Variants in PLXDC2 observed in about 807,000 individuals in gnomAD.
PLXDC2 encodes plexin domain containing 2.
In PLXDC2, 40 loss-of-function variants were observed where a neutral mutation model predicts 68.9. The ratio of observed to expected loss-of-function variants is 0.58; its 90% CI spans 0.45 to 0.76. The LOEUF is 0.76. PLXDC2 is among the 30% of genes least tolerant of loss of function. The probability of loss-of-function intolerance (pLI) is 0.00; values close to 1 mark genes in which losing one functional copy is unlikely to be tolerated. For missense variants in PLXDC2, 644 were observed against 661.9 expected (o/e 0.97, Z 0.30); for synonymous variants, 243 against 234.2 (o/e 1.04, Z -0.34).
At position 20,001,867 on chromosome 10, in the gene PLXDC2, T is replaced by C. The variant is rs761074325; in HGVS notation, c.205T>C (p.Leu69=). The change falls in exon 2 of 14, where the codon TTG becomes CTG. Residue 69 remains leucine, a synonymous_variant. Transcript: ENST00000377252. ...HAYSHRWKRN[L]DFLKAVDTNR... ...GTACAGCCACAGGTGGAAAAGAAAC[T>C]TGGACTTTCTCAAGGCGGTAGACAC... 18 of 1,613,862 alleles carry C rather than the reference T, an allele frequency of 1.1e-5. No homozygotes were observed. In the East Asian group the frequency reaches 3.8e-4, roughly 34 times the overall value.
chr10:20,211,885 G>A (rs952620398), intron 10 of PLXDC2, among the ~76,000 whole-genome samples, 156 bp downstream of exon 10: 1 of 152,062 alleles, frequency 6.6e-6, no homozygotes, highest in Admixed American at 6.6e-5. Flanking sequence ...TTAGGGGTTC[G>A]ATAACAGCTG....
chr10:20,232,734 G>C (rs950718188), intron 12 of PLXDC2, among the ~76,000 whole-genome samples: 1 of 152,194 alleles, frequency 6.6e-6, no homozygotes, highest in African/African-American at 2.4e-5. Flanking sequence ...GGTCGGGGCT[G>C]TTAGGATGAC....
chr10:19,848,567 G>A (rs982672829), intron 1 of PLXDC2, among the ~76,000 whole-genome samples: 2 of 152,186 alleles, frequency 1.3e-5, no homozygotes, highest in Non-Finnish European at 2.9e-5. Flanking sequence ...AAGCATTGGA[G>A]GGAAATGGCT....
intron 1 of PLXDC2, among the ~76,000 whole-genome samples, chr10:19,975,225 C>A (rs975979186): frequency 1.3e-5 from 2 of 151,986 alleles, no homozygotes; most frequent in African/African-American, 4.8e-5. Context: ...GAGGCTGAGG[C>A]GGGCGGATCA....
chr10:19,901,024 C>CAT (rs1193631961), intron 1 of PLXDC2, among the ~76,000 whole-genome samples: 55 of 146,244 alleles, frequency 3.8e-4, no homozygotes, highest in South Asian at 2.2e-3. Context: ...TGTATTCATA[C>CAT]ATATATATAT....
At chr10:20,077,684 AT>A (rs1836475095) in intron 4 of PLXDC2, among the ~76,000 whole-genome samples, 1 of 152,226 alleles carries the variant, frequency 6.6e-6, no homozygotes, top group Non-Finnish European at 1.5e-5. Context: ...AATTTCGTTA[AT>A]AGCTTATAGA....
rs371101329 is a variant in PLXDC2 at position 19,927,309 on chromosome 10, C to T, written c.113-74466C>T. 1.6e-3 allele frequency among the ~76,000 whole-genome samples: 240 copies of T among 152,036 alleles called. 2 individuals carry two copies. Among genetic ancestry groups the T allele is most frequent in the African/African-American group, 5.6e-3 (232 of 41,458 alleles). On this transcript the variant is annotated intron_variant, in intron 1 of 13. Transcript: ENST00000377252. ...GGGAGTGACAACACCTAGGAGATCC[C>T]GGAGGAAGCTGACATTTCACTTGGA...
chr10:20,084,683 A>C (rs1296236092), intron 4 of PLXDC2, among the ~76,000 whole-genome samples: 1 of 152,060 alleles, frequency 6.6e-6, no homozygotes, highest in Non-Finnish European at 1.5e-5. Context: ...CCAGACCATG[A>C]GATTCCTCTA....
chr10:19,948,752 T>G (rs1409212603), intron 1 of PLXDC2, among the ~76,000 whole-genome samples: 1 of 152,072 alleles, frequency 6.6e-6, no homozygotes, highest in Non-Finnish European at 1.5e-5. Flanking sequence ...GAACTTGACT[T>G]TAAAAATTGT....
intron 1 of PLXDC2, among the ~76,000 whole-genome samples, chr10:19,854,186 G>A (rs1236145089): frequency 6.6e-6 from 1 of 152,214 alleles, no homozygotes; most frequent in African/African-American, 2.4e-5. Context: ...AGGGCGAGTG[G>A]ATGAGGCCTG....
In PLXDC2 at chr10:19,911,438, T is replaced by C. The variant is rs116782031; in HGVS notation, c.113-90337T>C. ...CCTTAGTTGTCTCATTCAAGTTCTC[T>C]AAGGTTACTGTTTTGCCATATAAAA... On this transcript the variant is annotated intron_variant, in intron 1 of 13. Transcript: ENST00000377252. Among the ~76,000 whole-genome samples, 658 of 152,326 alleles carry C rather than the reference T, an allele frequency of 4.3e-3. 3 individuals carry two copies. The highest frequency in any genetic ancestry group is 0.015 in the African/African-American group (634 of 41,574).
chr10:19,934,532 C>G (rs1219785116), intron 1 of PLXDC2, among the ~76,000 whole-genome samples: 1 of 152,190 alleles, frequency 6.6e-6, no homozygotes, highest in Non-Finnish European at 1.5e-5. Flanking sequence ...CATTGGTCAC[C>G]TTGATGGCAA....
chr10:19,975,343 AG>A (rs1834434941), intron 1 of PLXDC2, among the ~76,000 whole-genome samples: 1 of 152,146 alleles, frequency 6.6e-6, no homozygotes. Flanking sequence ...CTGTAGTCCC[AG>A]CTACTCGGGA....
At chr10:19,887,691 G>T (rs891512792) in intron 1 of PLXDC2, among the ~76,000 whole-genome samples, 2 of 152,114 alleles carry the variant, frequency 1.3e-5, no homozygotes, top group Non-Finnish European at 2.9e-5. Flanking sequence ...ATTTCCTGTT[G>T]ATCAACAGAG....
At chr10:20,074,854 G>A (rs972439700) in intron 4 of PLXDC2, among the ~76,000 whole-genome samples, 14 of 124,634 alleles carry the variant, frequency 1.1e-4, no homozygotes, top group Non-Finnish European at 6.3e-5. Context: ...AAGGTGAATG[G>A]AGTTGTTTTG....
chr10:20,130,457 T>C (rs1833852221), intron 4 of PLXDC2, among the ~76,000 whole-genome samples: 1 of 152,118 alleles, frequency 6.6e-6, no homozygotes, highest in Non-Finnish European at 1.5e-5. Context: ...AAGAAAATTT[T>C]ATTTCTTCCT....
chr10:20,082,780 A>G (rs1449851872), intron 4 of PLXDC2, among the ~76,000 whole-genome samples: 3 of 152,214 alleles, frequency 2.0e-5, no homozygotes, highest in Admixed American at 2.0e-4. Context: ...CCTAACGCCC[A>G]TCACTGAGGA....
At chr10:19,826,379 A>T (rs568067039) in intron 1 of PLXDC2, among the ~76,000 whole-genome samples, 1 of 152,314 alleles carries the variant, frequency 6.6e-6, no homozygotes, top group African/African-American at 2.4e-5. Context: ...AGGAAACAAA[A>T]ATTGAACTAA....
chr10:20,191,832 T>TA (rs1363370230), intron 9 of PLXDC2, among the ~76,000 whole-genome samples: 2 of 152,018 alleles, frequency 1.3e-5, no homozygotes, highest in African/African-American at 4.8e-5. Flanking sequence ...AGTAAATAAA[T>TA]AAAAAATCAC....
Sources: allele counts gnomAD v4.1 joint callset (sites outside exome capture counted in the v4.1 genomes callset), GRCh38; gene constraint gnomAD v4.1.1; transcripts MANE v1.5; gene names NCBI Gene and HGNC (gene_info 2026-07-23, HGNC 2026-07-21).